PCDH15: variants seen among roughly 807,000 people sequenced by gnomAD.
PCDH15 encodes the protein protocadherin related 15.
A neutral mutation model predicts 178.5 loss-of-function variants in PCDH15; 129 were observed. The observed-to-expected ratio is 0.72, with a 90% CI of 0.63 to 0.84. The LOEUF is 0.84. Among genes scored for constraint, PCDH15 ranks in the 40% least tolerant of loss-of-function variants. The pLI is 0.00. For synonymous variants in PCDH15, 800 were observed against 732.0 expected (o/e 1.09, Z -1.50); for missense variants, 2,230 against 2,099.9 (o/e 1.06, Z -1.21).
chr10:55,076,764 CTTTTTTTTTT>C (rs902966495), intron 2 of PCDH15, among the ~76,000 whole-genome samples: 2 of 106,778 alleles, frequency 1.9e-5, no homozygotes, highest in African/African-American at 7.7e-5. Flanking sequence ...GGCCTGTGAC[CTTTTTTTTTT>C]TTTTTTTTTT....
chr10:54,509,133 C>G (rs1397669606), intron 3 of PCDH15, among the ~76,000 whole-genome samples: 1 of 151,954 alleles, frequency 6.6e-6, no homozygotes, highest in African/African-American at 2.4e-5. Context: ...GTAGAAGAAA[C>G]TGGTTATTGA....
intron 26 of PCDH15, among the ~76,000 whole-genome samples, chr10:53,876,419 C>A (rs2080247363): frequency 6.6e-6 from 1 of 152,076 alleles, no homozygotes; most frequent in Non-Finnish European, 1.5e-5. Flanking sequence ...ATCTCCTGAC[C>A]TCGTGATCCA....
intron 14 of PCDH15, among the ~76,000 whole-genome samples, chr10:54,143,539 G>A (rs1411070912): frequency 6.6e-6 from 1 of 152,010 alleles, no homozygotes; most frequent in Non-Finnish European, 1.5e-5. Flanking sequence ...AAAATTCCAG[G>A]GCACTAATTG....
chr10:54,721,648 CA>C (rs1320271955), intron 1 of PCDH15, among the ~76,000 whole-genome samples: 1 of 151,746 alleles, frequency 6.6e-6, no homozygotes, highest in African/African-American at 2.4e-5. Context: ...GAAAAACAGA[CA>C]ACTTCCCAAG....
chr10:54,085,013 G>T (rs2094494598), intron 16 of PCDH15, among the ~76,000 whole-genome samples: 1 of 151,870 alleles, frequency 6.6e-6, no homozygotes, highest in African/African-American at 2.4e-5. Flanking sequence ...TACTAATAAA[G>T]GGAGCTAGGT....
At chr10:54,366,493 CA>C (rs1207910452) in intron 5 of PCDH15, among the ~76,000 whole-genome samples, 1 of 151,930 alleles carries the variant, frequency 6.6e-6, no homozygotes, top group East Asian at 1.9e-4. Context: ...TATACACATA[CA>C]CATATATAGT....
intron 1 of PCDH15, among the ~76,000 whole-genome samples, chr10:54,736,851 T>C (rs2132735035): frequency 6.6e-6 from 1 of 152,188 alleles, no homozygotes; most frequent in African/African-American, 2.4e-5. Flanking sequence ...GCAGGGTCAA[T>C]ATGACAATGC....
chr10:55,256,755 G>A (rs555921595), intron 1 of PCDH15, among the ~76,000 whole-genome samples: 164 of 152,326 alleles, frequency 1.1e-3, no homozygotes, highest in African/African-American at 3.8e-3. Context: ...GCCCACCGCA[G>A]CTCAAGGAGG....
intron 2 of PCDH15, among the ~76,000 whole-genome samples, chr10:54,658,990 C>T (rs2094450484): frequency 6.6e-6 from 1 of 151,906 alleles, no homozygotes; most frequent in African/African-American, 2.4e-5. Flanking sequence ...GGGTGCTATT[C>T]TTGTATCAGA....
At chr10:55,446,456 T>A (rs1003917986) in intron 2 of PCDH15, among the ~76,000 whole-genome samples, 1 of 151,964 alleles carries the variant, frequency 6.6e-6, no homozygotes, top group Non-Finnish European at 1.5e-5. Flanking sequence ...TGTGAAAGGT[T>A]AGAAGAGAAA....
intron 2 of PCDH15, among the ~76,000 whole-genome samples, chr10:54,546,935 T>C (rs11004374): frequency 0.32 from 48,115 of 152,028 alleles, 8,317 homozygotes; most frequent in East Asian, 0.53. Context: ...TCATATTCAT[T>C]TGGGCAACTG....
At chr10:54,643,595 A>G (rs1590782723) in intron 2 of PCDH15, among the ~76,000 whole-genome samples, 1 of 152,124 alleles carries the variant, frequency 6.6e-6, no homozygotes, top group East Asian at 1.9e-4. Flanking sequence ...TATGACCTTA[A>G]TTGTTTAAAA....
intron 10 of PCDH15, among the ~76,000 whole-genome samples, chr10:54,208,925 C>T (rs10825273): frequency 0.22 from 33,943 of 151,874 alleles, 5,075 homozygotes; most frequent in East Asian, 0.83. Context: ...GGACCCTGTT[C>T]AACCTCACCT....
chr10:54,798,003 C>G (rs1054872387), intron 1 of PCDH15, among the ~76,000 whole-genome samples: 14 of 152,102 alleles, frequency 9.2e-5, no homozygotes, highest in African/African-American at 3.4e-4. Flanking sequence ...ATACATGCAA[C>G]GAATTAACAT....
At chr10:53,909,288 T>C (rs917022059) in intron 25 of PCDH15, among the ~76,000 whole-genome samples, 4 of 152,176 alleles carry the variant, frequency 2.6e-5, no homozygotes, top group Non-Finnish European at 5.9e-5. Flanking sequence ...TCCCCAGCCA[T>C]GTGGAACTGT....
chr10:55,467,373 CTTTTT>C (rs59787759), intron 2 of PCDH15, among the ~76,000 whole-genome samples: 3 of 87,786 alleles, frequency 3.4e-5, no homozygotes, highest in South Asian at 8.5e-4. Flanking sequence ...CTTGGCCTGA[CTTTTT>C]TTTTTTTTTT....
chr10:55,077,652 C>T (rs888602377), intron 2 of PCDH15, among the ~76,000 whole-genome samples: 1 of 151,912 alleles, frequency 6.6e-6, no homozygotes, highest in Admixed American at 6.6e-5. Context: ...TGGGTTCAAG[C>T]GATTCTCCTG....
At chr10:54,411,280 G>C (rs2153820) in intron 3 of PCDH15, among the ~76,000 whole-genome samples, 2 of 151,908 alleles carry the variant, frequency 1.3e-5, no homozygotes, top group Non-Finnish European at 2.9e-5. Context: ...TGGATTTAAA[G>C]GCCACTTCCC....
At chr10:55,291,571 C>A (rs966024153) in intron 1 of PCDH15, among the ~76,000 whole-genome samples, 1 of 152,072 alleles carries the variant, frequency 6.6e-6, no homozygotes, top group Non-Finnish European at 1.5e-5. Flanking sequence ...GAATTTTTGA[C>A]CAATAGCAGA....
Sources: allele counts gnomAD v4.1 joint callset (sites outside exome capture counted in the v4.1 genomes callset), GRCh38; gene constraint gnomAD v4.1.1; transcripts MANE v1.5; gene names NCBI Gene and HGNC (gene_info 2026-07-23, HGNC 2026-07-21).